Variants in DGCR2 observed in about 807,000 individuals in gnomAD.
DGCR2 encodes DiGeorge syndrome critical region gene 2.
In DGCR2, 24 loss-of-function variants were observed where a neutral mutation model predicts 51.6. The ratio of observed to expected loss-of-function variants is 0.47; its 90% CI spans 0.34 to 0.65. DGCR2 has a LOEUF of 0.65. DGCR2 is among the 30% of genes least tolerant of loss of function. DGCR2 has a pLI of 0.01. For synonymous variants in DGCR2, 340 were observed against 315.4 expected, an observed-to-expected ratio of 1.08 and a Z score of -0.82; for missense variants, 765 against 772.1, an observed-to-expected ratio of 0.99 and a Z score of 0.11.
At chr22:19,077,458 T>A (rs73158827) in intron 2 of DGCR2, among the ~76,000 whole-genome samples, 26,851 of 152,214 alleles carry the variant, frequency 0.18, 2,530 homozygotes, top group South Asian at 0.28. Flanking sequence ...CCTCACTGAA[T>A]GGTAATGGCA....
intron 2 of DGCR2, 50 bp downstream of exon 2, chr22:19,089,318 T>C: frequency 6.6e-7 from 1 of 1,515,480 alleles, no homozygotes; most frequent in South Asian, 1.3e-5. Flanking sequence ...GTCACCCAGC[T>C]ACAACAAAGA....
intron 1 of DGCR2, 72 bp downstream of exon 1, chr22:19,122,056 A>C: frequency 3.6e-6 from 4 of 1,125,304 alleles, no homozygotes; most frequent in Non-Finnish European, 4.6e-6. Flanking sequence ...GCCGCGGGTG[A>C]AAGGAGGTCC....
chr22:19,088,615 G>A (rs752100250), intron 2 of DGCR2, among the ~76,000 whole-genome samples: 11 of 152,064 alleles, frequency 7.2e-5, no homozygotes, highest in Non-Finnish European at 1.3e-4. Flanking sequence ...CTCAAGCTGG[G>A]GTAAGACACA....
chr22:19,122,166 A>AAT lies in DGCR2; in HGVS notation c.40_41insAT (p.Phe14TyrfsTer57). ...CTCGGTGACAGTGAGCACGAGCAGG[A>AAT]AGAGCAGCAGGAAGGCGCCGCTGTC... On this transcript the variant is annotated frameshift_variant, in exon 1 of 10. Transcript: ENST00000263196. LOFTEE classifies it high-confidence loss of function. The AAT allele has an allele frequency of 2.0e-6, 3 of 1,512,762 alleles. No homozygotes were observed. Among genetic ancestry groups the AAT allele is most frequent in the Non-Finnish European group, 2.7e-6 (3 of 1,130,320 alleles). 93.7% of individuals were successfully genotyped at this position (1,512,762 alleles called of 1,614,324 possible).
intron 7 of DGCR2, among the ~76,000 whole-genome samples, chr22:19,044,158 G>A (rs2082462800): frequency 6.6e-6 from 1 of 152,208 alleles, no homozygotes; most frequent in Non-Finnish European, 1.5e-5. Context: ...CTCCAAGGTG[G>A]GGACCGGAAA....
At chr22:19,039,449 G>A (rs1393277456) in intron 9 of DGCR2, among the ~76,000 whole-genome samples, 2 of 152,214 alleles carry the variant, frequency 1.3e-5, no homozygotes, top group Non-Finnish European at 2.9e-5. Flanking sequence ...TAGAACAGAG[G>A]GGCCCAAAGG....
intron 5 of DGCR2, 86 bp downstream of exon 5, chr22:19,063,116 G>T: frequency 4.6e-6 from 6 of 1,306,406 alleles, no homozygotes; most frequent in Non-Finnish European, 6.6e-6. Flanking sequence ...GGGCCAGGCA[G>T]CACTGGGTAA....
At chr22:19,082,222 CTT>C (rs56725898) in intron 2 of DGCR2, among the ~76,000 whole-genome samples, 13 of 88,068 alleles carry the variant, frequency 1.5e-4, no homozygotes, top group Admixed American at 5.6e-4. Flanking sequence ...CTAATTATTT[CTT>C]TTTTTTTTTT....
chr22:19,116,869 C>A (rs1041160015), intron 1 of DGCR2, among the ~76,000 whole-genome samples: 3 of 152,096 alleles, frequency 2.0e-5, no homozygotes, highest in Admixed American at 1.3e-4. Flanking sequence ...GCATGCACTA[C>A]TAGATCACCT....
At position 19,094,209 on chromosome 22, in the gene DGCR2, C is replaced by T. The variant is rs533697946; in HGVS notation, c.80-4719G>A. The stretch of plus-strand genomic sequence containing the variant: ...TTGGGAGGCTGAGGTGGGTGGATCA[C>T]CTGAGGTTAAGAGTTTGAGACCAGC... On this transcript the variant is annotated intron_variant, in intron 1 of 9. Coordinates refer to ENST00000263196, the MANE Select transcript of DGCR2 (RefSeq NM_005137.3). Among the ~76,000 whole-genome samples, 40 of 152,320 alleles carry T rather than the reference C, an allele frequency of 2.6e-4. 1 individual carries two copies. The highest frequency in any genetic ancestry group is 9.1e-4 in the African/African-American group (38 of 41,578).
At chr22:19,071,770 T>C (rs1186939309) in intron 2 of DGCR2, among the ~76,000 whole-genome samples, 2 of 152,206 alleles carry the variant, frequency 1.3e-5, no homozygotes, top group Admixed American at 6.5e-5. Context: ...TTACACAGAA[T>C]AGTACTACAG....
intron 4 of DGCR2, among the ~76,000 whole-genome samples, chr22:19,063,975 C>G (rs1420397793): frequency 6.6e-6 from 1 of 152,224 alleles, no homozygotes; most frequent in Non-Finnish European, 1.5e-5. Flanking sequence ...AAAACACTTG[C>G]ACGGCTTCCC....
At chr22:19,062,722 T>C (rs1490426194) in intron 5 of DGCR2, among the ~76,000 whole-genome samples, 1 of 150,328 alleles carries the variant, frequency 6.7e-6, no homozygotes, top group Non-Finnish European at 1.5e-5. Context: ...TACGTCGTCT[T>C]GGTATTTCCA....
chr22:19,086,724 C>T (rs2083020884), intron 2 of DGCR2, among the ~76,000 whole-genome samples: 2 of 152,270 alleles, frequency 1.3e-5, no homozygotes, highest in Non-Finnish European at 2.9e-5. Context: ...CTTTCGGCTT[C>T]TATGAGAGAT....
intron 1 of DGCR2, among the ~76,000 whole-genome samples, chr22:19,097,194 C>T (rs1003205013): frequency 3.9e-5 from 6 of 152,036 alleles, no homozygotes; most frequent in Non-Finnish European, 8.8e-5. Context: ...CTAAGTAGTA[C>T]TTGTCACTCC....
chr22:19,080,145 C>T (rs1320081468), intron 2 of DGCR2, among the ~76,000 whole-genome samples: 1 of 152,184 alleles, frequency 6.6e-6, no homozygotes, highest in African/African-American at 2.4e-5. Flanking sequence ...GAGAGCAGGG[C>T]AGAAGACAGG....
chr22:19,082,892 CA>C (rs2082956744), intron 2 of DGCR2, among the ~76,000 whole-genome samples: 1 of 152,124 alleles, frequency 6.6e-6, no homozygotes, highest in South Asian at 2.1e-4. Context: ...AGTTAGAGAC[CA>C]GCCTGGGCAA....
intron 9 of DGCR2, among the ~76,000 whole-genome samples, chr22:19,039,909 C>T (rs976173053): frequency 6.6e-6 from 1 of 151,952 alleles, no homozygotes. Context: ...AAGGAGGTCT[C>T]ACAGGCTGGT....
At chr22:19,098,281 C>G (rs571080903) in intron 1 of DGCR2, among the ~76,000 whole-genome samples, 5 of 152,050 alleles carry the variant, frequency 3.3e-5, no homozygotes, top group Non-Finnish European at 4.4e-5. Context: ...TGGCCTAGCC[C>G]TGTTTTCCTA....
Sources: gnomAD v4.1 joint callset for allele counts (sites outside exome capture counted in the v4.1 genomes callset) on GRCh38, gnomAD v4.1.1 for gene constraint, MANE v1.5 for transcripts, NCBI Gene and HGNC (gene_info 2026-07-23, HGNC 2026-07-21) for gene names.